The following TMEM184B variants were observed in gnomAD, a reference collection of about 807,000 sequenced individuals.
TMEM184B encodes transmembrane protein 184B, also known as putative MAPK-activating protein FM08.
A neutral mutation model predicts 41.8 loss-of-function variants in TMEM184B; 17 were observed. That is an observed-to-expected ratio of 0.41 (90% confidence interval 0.28 to 0.61). The LOEUF (loss-of-function observed/expected upper bound fraction) is 0.61, where lower values mean the gene tolerates loss of function less well. Among genes scored for constraint, TMEM184B ranks in the 20% least tolerant of loss-of-function variants. The pLI, the probability that TMEM184B is intolerant of heterozygous loss-of-function variation, is 0.34. For synonymous variants in TMEM184B, 240 were observed against 229.5 expected (o/e 1.05, Z -0.41); for missense variants, 393 against 557.8 (o/e 0.70, Z 2.98).
rs973197996 is a variant in TMEM184B at position 38,220,705 on chromosome 22, C to T, written c.*764G>A. ...TGCCCAAAGCTATCGAGGAAGGACC[C>T]AAGTGAGCCGGCAGTGCGGGCTGTG... On this transcript the variant is annotated 3_prime_UTR_variant, in exon 9 of 9. Transcript: ENST00000361906. 2.0e-6 allele frequency: 2 copies of T among 986,308 alleles called. No homozygotes were observed. Among genetic ancestry groups the T allele is most frequent in the South Asian group, 4.7e-5 (1 of 21,298 alleles). 61.1% of individuals were successfully genotyped at this position (986,308 alleles called of 1,614,324 possible). A position where few individuals can be genotyped will look rare whatever the true frequency, so the allele number is the denominator to read the frequency against.
At chr22:38,264,939 A>G (rs1486154442) in intron 1 of TMEM184B, among the ~76,000 whole-genome samples, 1 of 152,230 alleles carries the variant, frequency 6.6e-6, no homozygotes, top group African/African-American at 2.4e-5. Context: ...TCATACTTAC[A>G]TGCTCTGAGG....
intron 3 of TMEM184B, among the ~76,000 whole-genome samples, chr22:38,242,899 T>C (rs1354158908): frequency 6.6e-6 from 1 of 151,710 alleles, no homozygotes; most frequent in African/African-American, 2.4e-5. Flanking sequence ...CCGTCTCTAC[T>C]AAAAATACAA....
At position 38,219,888 on chromosome 22, in the gene TMEM184B, A is replaced by T. The variant is rs1569005182; in HGVS notation, c.*1581T>A. On this transcript the variant is annotated 3_prime_UTR_variant, in exon 9 of 9. Transcript: ENST00000361906. ...GGGGGAGAGCTGGCCTCTGGCACCCACATGCAGGCCTCTGCCACGAGGAAA... is the reference window on the plus strand; with the variant it reads ...GGGGGAGAGCTGGCCTCTGGCACCCTCATGCAGGCCTCTGCCACGAGGAAA... 1.0e-6 allele frequency: 1 copy of T among 984,966 alleles called. No homozygotes were observed. Among genetic ancestry groups the T allele is most frequent in the Non-Finnish European group, 1.2e-6 (1 of 829,812 alleles). The allele number at this position is 984,966 out of a possible 1,614,324, so 61.0% of individuals were successfully genotyped here. A position where few individuals can be genotyped will look rare whatever the true frequency, so the allele number is the denominator to read the frequency against.
At chr22:38,254,789 C>T (rs1418251973) in intron 1 of TMEM184B, among the ~76,000 whole-genome samples, 1 of 151,972 alleles carries the variant, frequency 6.6e-6, no homozygotes, top group Non-Finnish European at 1.5e-5. Flanking sequence ...CCTGATCTCC[C>T]ACACATTGCT....
At chr22:38,246,206 G>C in intron 2 of TMEM184B, 106 bp from the exon 3 acceptor site, 2 of 1,369,994 alleles carry the variant, frequency 1.5e-6, no homozygotes, top group Middle Eastern at 2.6e-4. Flanking sequence ...CCCGATGCAC[G>C]TGACCTACCC....
Position 38,220,363 on chromosome 22 carries a change from C to A in TMEM184B, c.*1106G>T, listed in dbSNP as rs1008535433. On this transcript the variant is annotated 3_prime_UTR_variant, in exon 9 of 9. Coordinates refer to ENST00000361906, the MANE Select transcript of TMEM184B (RefSeq NM_012264.5). ...GGACAGATGGGGAGCCAGGGAGGGGCGCTTTCATATGTGACTAAGGCACAG... is the reference window on the plus strand; with the variant it reads ...GGACAGATGGGGAGCCAGGGAGGGGAGCTTTCATATGTGACTAAGGCACAG... 1.7e-5 allele frequency: 17 copies of A among 986,080 alleles called. No individual in the cohort carries two copies. The East Asian group carries it at 1.6e-3, about 92-fold the overall frequency. 61.1% of individuals were successfully genotyped at this position (986,080 alleles called of 1,614,324 possible).
intron 1 of TMEM184B, among the ~76,000 whole-genome samples, chr22:38,261,971 C>T (rs557268956): frequency 3.3e-5 from 5 of 151,984 alleles, no homozygotes; most frequent in South Asian, 4.1e-4. Context: ...AGCGCACACG[C>T]GCCCCCAAAG....
At chr22:38,218,902 C>T (rs1024907670), downstream of TMEM184B, among the ~76,000 whole-genome samples, 1 of 152,144 alleles carries the variant, frequency 6.6e-6, no homozygotes, top group Non-Finnish European at 1.5e-5. Context: ...GGGTCCCTGG[C>T]CCTGAGGGTC....
At chr22:38,260,178 G>A (rs1369266734) in intron 1 of TMEM184B, among the ~76,000 whole-genome samples, 2 of 152,126 alleles carry the variant, frequency 1.3e-5, no homozygotes, top group Non-Finnish European at 2.9e-5. Context: ...AAAGTTCTGG[G>A]ATTACAGGCG....
intron 1 of TMEM184B, among the ~76,000 whole-genome samples, chr22:38,249,338 G>C (rs2092112579): frequency 1.3e-5 from 2 of 152,072 alleles, no homozygotes; most frequent in Admixed American, 1.3e-4. Flanking sequence ...TTGTAGAGAT[G>C]GGGGTCTCCC....
chr22:38,259,520 G>A (rs1483674849), intron 1 of TMEM184B, among the ~76,000 whole-genome samples: 1 of 152,212 alleles, frequency 6.6e-6, no homozygotes, highest in Non-Finnish European at 1.5e-5. Context: ...GCAGAGAGAG[G>A]AAAGTGGAAG....
At chr22:38,221,897 G>C in intron 8 of TMEM184B, 187 bp from the exon 9 acceptor site, 5 of 847,524 alleles carry the variant, frequency 5.9e-6, no homozygotes, top group Non-Finnish European at 8.9e-6. Flanking sequence ...GGACTTCTTT[G>C]GCTGGGGAGC....
chr22:38,219,660 C>A lies in TMEM184B; in HGVS notation c.*1809G>T. On this transcript the variant is annotated 3_prime_UTR_variant, in exon 9 of 9. Transcript: ENST00000361906. ...GCCACTGAGCTCCCCCCACCCTCCA[C>A]GCAAACAGCAACGCTGGGCAGGCGA... 1 of 985,552 alleles carries A rather than the reference C, an allele frequency of 1.0e-6. No individual in the cohort carries two copies. The highest frequency in any genetic ancestry group is 5.2e-4 in the Middle Eastern group (1 of 1,914). 61.1% of individuals were successfully genotyped at this position (985,552 alleles called of 1,614,324 possible). A position where few individuals can be genotyped will look rare whatever the true frequency, so the allele number is the denominator to read the frequency against.
chr22:38,254,851 C>CT (rs71195097), intron 1 of TMEM184B, among the ~76,000 whole-genome samples: 1,912 of 131,180 alleles, frequency 0.015, 41 homozygotes, highest in African/African-American at 0.044. Context: ...TTGGCACTTT[C>CT]TTTTTTTTTT....
intron 1 of TMEM184B, among the ~76,000 whole-genome samples, chr22:38,256,867 A>C (rs1242343324): frequency 1.3e-5 from 2 of 152,124 alleles, no homozygotes; most frequent in Non-Finnish European, 2.9e-5. Flanking sequence ...TTCACAGGAA[A>C]TTGCAAAAAT....
intron 1 of TMEM184B, among the ~76,000 whole-genome samples, chr22:38,252,341 G>T (rs1340659577): frequency 6.6e-6 from 1 of 152,114 alleles, no homozygotes; most frequent in East Asian, 1.9e-4. Context: ...GATTACAGGC[G>T]AGAGCCACCA....
In TMEM184B at chr22:38,230,663, A is replaced by G. The variant is rs367812760; in HGVS notation, c.525+6T>C. ...CCTGAGCTAGGCAGCTGCTGGGGGC[A>G]CACACCTGTTTGCAGAACCTCAGAA... On this transcript the variant is annotated splice_donor_region_variant and intron_variant, in intron 5 of 8. Coordinates refer to ENST00000361906, the MANE Select transcript of TMEM184B (RefSeq NM_012264.5). 6.2e-7 allele frequency: 1 copy of G among 1,608,762 alleles called. No individual in the cohort carries two copies. Among genetic ancestry groups the G allele is most frequent in the Non-Finnish European group, 8.5e-7 (1 of 1,177,800 alleles).
rs145245740 is a variant in TMEM184B at position 38,227,348 on chromosome 22, G to A, written c.526-478C>T. 3.9e-5 allele frequency among the ~76,000 whole-genome samples: 6 copies of A among 152,264 alleles called. No individual in the cohort carries two copies. The East Asian group carries it at 1.2e-3, about 29-fold the overall frequency. ...GCTTGCACCAAGGCCCCGAGGCAGA[G>A]GGTGGACAGGTGCAAGGGGCTGCGC... On this transcript the variant is annotated intron_variant, in intron 5 of 8. Transcript: ENST00000361906.
At position 38,226,988 on chromosome 22, in the gene TMEM184B, G is replaced by A. The variant is rs931728324; in HGVS notation, c.526-118C>T. The A allele has an allele frequency of 5.6e-5, 57 of 1,024,746 alleles. No homozygotes were observed. Among genetic ancestry groups the A allele is most frequent in the Admixed American group, 1.3e-4 (6 of 47,766 alleles). The allele number at this position is 1,024,746 out of a possible 1,614,324, so 63.5% of individuals were successfully genotyped here. ...AGGGACAGAGAGGATGAAGGAGACG[G>A]AGAGGACGGAGGGATGGAGGGACGG... On this transcript the variant is annotated intron_variant, in intron 5 of 8. Transcript: ENST00000361906. This position sits in a 1 kb window ranked among gnomAD's most constrained non-coding sequence, Gnocchi z 4.6.
Sources: gnomAD v4.1 joint callset for allele counts (sites outside exome capture counted in the v4.1 genomes callset) on GRCh38, gnomAD v4.1.1 for gene constraint, Gnocchi (gnomAD v3.1) non-coding constraint, MANE v1.5 for transcripts, NCBI Gene and HGNC (gene_info 2026-07-23, HGNC 2026-07-21) for gene names.